The following SLC44A2 variants were observed in gnomAD, a reference collection of about 807,000 sequenced individuals.
The protein encoded by SLC44A2 is solute carrier family 44 member 2 (CTL2 blood group).
A neutral mutation model predicts 90.8 loss-of-function variants in SLC44A2; 57 were observed. The ratio of observed to expected loss-of-function variants is 0.63; its 90% CI spans 0.51 to 0.78. SLC44A2 has a LOEUF of 0.78. Ranked by LOEUF, SLC44A2 falls within the 30% of genes least tolerant of loss-of-function variation. The pLI is 0.00. For missense variants in SLC44A2, 794 were observed against 919.7 expected, an observed-to-expected ratio of 0.86 and a Z score of 1.77; for synonymous variants, 355 against 360.7, an observed-to-expected ratio of 0.98 and a Z score of 0.18.
upstream of SLC44A2, among the ~76,000 whole-genome samples, chr19:10,620,882 T>G (rs1037586183): frequency 6.6e-6 from 1 of 152,004 alleles, no homozygotes; most frequent in East Asian, 1.9e-4. Flanking sequence ...CTACAAAAAA[T>G]TTTAAAATTA....
chr19:10,631,482 C>A lies in SLC44A2; in HGVS notation c.449C>A (p.Ala150Asp). Residue 150 changes from alanine to aspartate, a missense_variant, in exon 7 of 22, where the codon GCT becomes GAT. Coordinates refer to ENST00000335757, the MANE Select transcript of SLC44A2 (RefSeq NM_020428.4). ...CTCCATCTCTCTTGGCAGGGAGTGG[C>A]TGAGGTGCTTCAAGATGGTGACTGC... is the stretch of plus-strand genomic sequence containing the variant. ...VPGFKNNKGV[A>D]EVLQDGDCPA... is the part of the protein sequence containing the mutation. 6.2e-7 allele frequency: 1 copy of A among 1,614,064 alleles called. No individual in the cohort carries two copies.
At chr19:10,622,032 G>A (rs1476897424), upstream of SLC44A2, among the ~76,000 whole-genome samples, 1 of 152,242 alleles carries the variant, frequency 6.6e-6, no homozygotes, top group Admixed American at 6.5e-5. Context: ...CAAGTGCTAA[G>A]ATGACAGGCT....
chr19:10,613,808 C>A (rs937387243), intron 1 of SLC44A2, among the ~76,000 whole-genome samples: 1 of 151,994 alleles, frequency 6.6e-6, no homozygotes, highest in Non-Finnish European at 1.5e-5. Flanking sequence ...GGAATGTGGG[C>A]GGCCTCTAGA....
intron 4 of SLC44A2, among the ~76,000 whole-genome samples, chr19:10,628,393 ACAAG>A (rs749617843): frequency 2.0e-5 from 3 of 152,084 alleles, no homozygotes; most frequent in African/African-American, 7.2e-5. Context: ...CTCAAAACAA[ACAAG>A]CAAAAATTAA....
chr19:10,629,247 C>A (rs1373349893), intron 4 of SLC44A2, among the ~76,000 whole-genome samples: 1 of 73,528 alleles, frequency 1.4e-5, no homozygotes, highest in Admixed American at 1.5e-4. Flanking sequence ...GTTGCTGATG[C>A]TGCAGTTTTT....
At chr19:10,627,852 C>T in intron 3 of SLC44A2, 57 bp downstream of exon 3, 1 of 1,611,994 alleles carries the variant, frequency 6.2e-7, no homozygotes, top group African/African-American at 1.3e-5. Flanking sequence ...CAGCCATGGC[C>T]TCTGGAGTGG....
chr19:10,610,211 AT>A (rs1918244592), intron 1 of SLC44A2, among the ~76,000 whole-genome samples: 3 of 151,710 alleles, frequency 2.0e-5, no homozygotes, highest in Admixed American at 6.6e-5. Flanking sequence ...AGAAAAAAAA[AT>A]ATATATATAT....
At position 10,627,962 on chromosome 19, in the gene SLC44A2, A is replaced by AT; in HGVS notation, c.203_204insT (p.Ser69GlnfsTer65). The stretch of plus-strand genomic sequence containing the variant: ...CCTCGAAAGGTGATCTACCCCACTG[A>AT]CAGCCGGGGCGAGTTCTGCGGGCAG... On this transcript the variant is annotated frameshift_variant, in exon 4 of 22. Transcript: ENST00000335757. LOFTEE classifies it high-confidence loss of function. 1 of 1,613,966 alleles carries AT rather than the reference A, an allele frequency of 6.2e-7. No individual in the cohort carries two copies. The highest frequency in any genetic ancestry group is 8.5e-7 in the Non-Finnish European group (1 of 1,179,974).
At chr19:10,605,398 C>A (rs1308709980) in intron 1 of SLC44A2, among the ~76,000 whole-genome samples, 1 of 152,068 alleles carries the variant, frequency 6.6e-6, no homozygotes, top group Non-Finnish European at 1.5e-5. Context: ...CCTGTAATCC[C>A]AGCTACTCCA....
intron 1 of SLC44A2, chr19:10,602,571 G>A: frequency 7.9e-7 from 1 of 1,269,732 alleles, no homozygotes; most frequent in Non-Finnish European, 1.0e-6. Context: ...GGTAGGAGCC[G>A]CCTCCGGTCA....
At chr19:10,637,614 CACTT>C (rs2067071810) in intron 16 of SLC44A2, 26 bp from the exon 17 acceptor site, 1 of 1,597,982 alleles carries the variant, frequency 6.3e-7, no homozygotes, top group Admixed American at 1.7e-5. Flanking sequence ...GGTGTCCCCT[CACTT>C]CCACATCCCT....
In SLC44A2 at chr19:10,631,282, T is replaced by C; in HGVS notation, c.338T>C (p.Val113Ala). Residue 113 changes from valine to alanine, a missense_variant, in exon 6 of 22, where the codon GTG (valine) becomes GCG (alanine). Val to Ala is a moderately conservative substitution (Grantham distance 64). Transcript: ENST00000335757. ...EFQCPTPQICVEKCPDRYLTY... is the reference protein window; with the variant it reads ...EFQCPTPQICAEKCPDRYLTY... ...TTCCTTCTCCCCTCCCAGATCTGCG[T>C]GGAAAAATGCCCCGACCGCTACCTC... is the stretch of plus-strand genomic sequence containing the variant. 2 of 1,613,822 alleles carry C rather than the reference T, an allele frequency of 1.2e-6. No individual in the cohort carries two copies. The highest frequency in any genetic ancestry group is 1.7e-6 in the Non-Finnish European group (2 of 1,179,960).
At chr19:10,625,325 G>A (rs930175251), upstream of SLC44A2, 2 of 488,330 alleles carry the variant, frequency 4.1e-6, no homozygotes, top group African/African-American at 2.0e-5. Flanking sequence ...GGTTCTAGGC[G>A]GCATCGCCCG....
Position 10,634,893 on chromosome 19 carries a change from TCA to T in SLC44A2, c.955+9_955+10del, listed in dbSNP as rs770619357. 4 of 1,614,002 alleles carry T rather than the reference TCA, an allele frequency of 2.5e-6. No homozygotes were observed. In the South Asian group the frequency reaches 3.3e-5, roughly 13 times the overall value. ...GCAGACCTGGTTGGCCTTTAGTGAG[TCA>T]CAGTCTCCCATTCCTGCCCCCACAT... On this transcript the variant is annotated splice_region_variant and intron_variant, in intron 11 of 21. Coordinates refer to ENST00000335757, the MANE Select transcript of SLC44A2 (RefSeq NM_020428.4).
Position 10,635,085 on chromosome 19 carries a change from G to C in SLC44A2, c.1055+12G>C. ...AAAGAAGCCAGCAGGTGGGGGGCCA[G>C]GGTGCCAGGGGCCAGGATGGAGCTG... On this transcript the variant is annotated intron_variant, in intron 12 of 21. Coordinates refer to ENST00000335757, the MANE Select transcript of SLC44A2 (RefSeq NM_020428.4). The C allele has an allele frequency of 1.2e-6, 2 of 1,613,940 alleles. No individual in the cohort carries two copies. The highest frequency in any genetic ancestry group is 2.2e-5 in the South Asian group (2 of 91,070).
At chr19:10,608,307 C>G (rs927546871) in intron 1 of SLC44A2, among the ~76,000 whole-genome samples, 1 of 151,354 alleles carries the variant, frequency 6.6e-6, no homozygotes, top group South Asian at 2.1e-4. Flanking sequence ...GGGATCCTCC[C>G]GCCTCAGCCT....
At chr19:10,628,873 T>C (rs1209186123) in intron 4 of SLC44A2, among the ~76,000 whole-genome samples, 1 of 152,062 alleles carries the variant, frequency 6.6e-6, no homozygotes, top group Non-Finnish European at 1.5e-5. Flanking sequence ...CCCACCCTCA[T>C]GGGGCTATTT....
In SLC44A2 at chr19:10,631,135, TC is replaced by T; in HGVS notation, c.328del (p.Gln110ArgfsTer15). 1 of 1,613,830 alleles carries T rather than the reference TC, an allele frequency of 6.2e-7. No individual in the cohort carries two copies. Among genetic ancestry groups the T allele is most frequent in the Non-Finnish European group, 8.5e-7 (1 of 1,179,816 alleles). ...TTCTGCTGGAATTCCAATGTCCCACTCCCCAGGTAACCTGGTCCCCACCGTT... is the reference window on the plus strand; with the variant it reads ...TTCTGCTGGAATTCCAATGTCCCACTCCCAGGTAACCTGGTCCCCACCGTT... ...LVLLEFQCPTPQICVEKCPDR... is the reference protein window; with the variant it reads ...LVLLEFQCPTXQICVEKCPDR... On this transcript the variant is annotated frameshift_variant, in exon 5 of 22. Coordinates refer to ENST00000335757, the MANE Select transcript of SLC44A2 (RefSeq NM_020428.4). LOFTEE classifies it high-confidence loss of function.
chr19:10,631,006 A>C (rs796255285), intron 4 of SLC44A2, 51 bp from the exon 5 acceptor site: 1 of 634,162 alleles, frequency 1.6e-6, no homozygotes. Flanking sequence ...ACTCTGTCTC[A>C]AAAAAAAAAA....
Sources: gnomAD v4.1 joint callset for allele counts (sites outside exome capture counted in the v4.1 genomes callset) on GRCh38, gnomAD v4.1.1 for gene constraint, MANE v1.5 for transcripts, NCBI Gene and HGNC (gene_info 2026-07-23, HGNC 2026-07-21) for gene names.